The following ZNF804B variants were observed in gnomAD, a reference collection of about 807,000 sequenced individuals.
The protein encoded by ZNF804B is zinc finger 804B.
A neutral mutation model predicts 101.4 loss-of-function variants in ZNF804B; 80 were observed. The observed-to-expected ratio is 0.79, with a 90% CI of 0.66 to 0.95. ZNF804B has a LOEUF of 0.95. Among genes scored for constraint, ZNF804B ranks in the 40% least tolerant of loss-of-function variants. The pLI, the probability that ZNF804B is intolerant of heterozygous loss-of-function variation, is 0.00. For synonymous variants in ZNF804B, 622 were observed against 558.8 expected, an observed-to-expected ratio of 1.11 and a Z score of -1.59; for missense variants, 1,673 against 1,561.9, an observed-to-expected ratio of 1.07 and a Z score of -1.20.
rs114115982 is a variant in ZNF804B at position 89,250,994 on chromosome 7, G to C, written c.249+32699G>C. Among the ~76,000 whole-genome samples, 338 of 152,222 alleles carry C rather than the reference G, an allele frequency of 2.2e-3. 2 individuals are homozygous for C. Among genetic ancestry groups the C allele is most frequent in the African/African-American group, 8.0e-3 (331 of 41,522 alleles). ...CCCATAGCCAACATCATAGTGAATG[G>C]GCAAAAACTAGAGGCATTCCCCCTT... On this transcript the variant is annotated intron_variant, in intron 2 of 3. Transcript: ENST00000333190.
intron 1 of ZNF804B, among the ~76,000 whole-genome samples, chr7:89,118,276 T>A (rs974170198): frequency 6.6e-6 from 1 of 152,132 alleles, no homozygotes; most frequent in Non-Finnish European, 1.5e-5. Context: ...GAGTACTAAG[T>A]CGGAATTAGG....
chr7:89,175,575 A>C (rs1322375325), intron 1 of ZNF804B, among the ~76,000 whole-genome samples: 1 of 151,940 alleles, frequency 6.6e-6, no homozygotes, highest in Non-Finnish European at 1.5e-5. Context: ...TTCCATATAC[A>C]TTTTAGGATG....
At chr7:88,835,844 T>C (rs188257701) in intron 1 of ZNF804B, among the ~76,000 whole-genome samples, 4 of 152,046 alleles carry the variant, frequency 2.6e-5, no homozygotes, top group Admixed American at 2.0e-4. Flanking sequence ...AAAGAAAATA[T>C]AAATATTTGA....
chr7:88,802,527 T>C (rs1790608150), intron 1 of ZNF804B, among the ~76,000 whole-genome samples: 1 of 152,150 alleles, frequency 6.6e-6, no homozygotes, highest in Non-Finnish European at 1.5e-5. Context: ...CTCTGGAATG[T>C]AATTTTCTCT....
chr7:88,833,021 C>A (rs1359779908), intron 1 of ZNF804B, among the ~76,000 whole-genome samples: 2 of 151,832 alleles, frequency 1.3e-5, no homozygotes, highest in East Asian at 3.9e-4. Context: ...GAATGGTCGT[C>A]TTCATGCTAA....
chr7:89,229,740 C>T (rs1270421511), intron 2 of ZNF804B, among the ~76,000 whole-genome samples: 2 of 152,142 alleles, frequency 1.3e-5, no homozygotes, highest in African/African-American at 4.8e-5. Context: ...TAGAATACTT[C>T]ATCCAACAGC....
At chr7:89,331,278 T>A (rs1392024532) in intron 3 of ZNF804B, among the ~76,000 whole-genome samples, 2 of 151,734 alleles carry the variant, frequency 1.3e-5, no homozygotes, top group African/African-American at 4.8e-5. Flanking sequence ...TCTGGATCAC[T>A]TCCTTCTATC....
chr7:88,897,618 C>T (rs1331048017), intron 1 of ZNF804B, among the ~76,000 whole-genome samples: 2 of 152,156 alleles, frequency 1.3e-5, no homozygotes, highest in Admixed American at 1.3e-4. Context: ...AACTCGGATT[C>T]CTCAATTTAC....
intron 2 of ZNF804B, among the ~76,000 whole-genome samples, chr7:89,269,247 T>A (rs1367902693): frequency 2.0e-5 from 3 of 152,154 alleles, no homozygotes; most frequent in African/African-American, 7.2e-5. Context: ...TGGTGTGTGA[T>A]GTTCCCCTTC....
At chr7:89,246,130 G>T (rs998003004) in intron 2 of ZNF804B, among the ~76,000 whole-genome samples, 1 of 152,274 alleles carries the variant, frequency 6.6e-6, no homozygotes, top group Non-Finnish European at 1.5e-5. Flanking sequence ...AGAGATAGAA[G>T]TACCTGCTGT....
At chr7:89,248,081 A>G (rs1455658777) in intron 2 of ZNF804B, among the ~76,000 whole-genome samples, 1 of 152,178 alleles carries the variant, frequency 6.6e-6, no homozygotes. Flanking sequence ...AACAATGAAC[A>G]AAGTCTTCAA....
intron 1 of ZNF804B, among the ~76,000 whole-genome samples, chr7:89,043,026 G>A (rs1448972451): frequency 6.6e-6 from 1 of 151,794 alleles, no homozygotes; most frequent in East Asian, 1.9e-4. Flanking sequence ...CTTTTTTATT[G>A]ACTTCTTTGG....
At chr7:89,097,032 G>A (rs2116333017) in intron 1 of ZNF804B, among the ~76,000 whole-genome samples, 1 of 152,114 alleles carries the variant, frequency 6.6e-6, no homozygotes, top group Non-Finnish European at 1.5e-5. Context: ...CAGTTCCAGG[G>A]CTAACTTCCT....
At chr7:89,079,674 AAAC>A (rs1450371986) in intron 1 of ZNF804B, among the ~76,000 whole-genome samples, 1 of 152,036 alleles carries the variant, frequency 6.6e-6, no homozygotes, top group Non-Finnish European at 1.5e-5. Context: ...ACAAAAACAA[AAAC>A]AACATAGGAG....
chr7:89,256,032 G>A (rs968491692), intron 2 of ZNF804B, among the ~76,000 whole-genome samples: 1 of 152,012 alleles, frequency 6.6e-6, no homozygotes, highest in African/African-American at 2.4e-5. Context: ...AAGCACATTA[G>A]TATTTGTTCA....
At chr7:88,973,025 A>C (rs1793559712) in intron 1 of ZNF804B, among the ~76,000 whole-genome samples, 1 of 151,370 alleles carries the variant, frequency 6.6e-6, no homozygotes. Flanking sequence ...TGACACATAG[A>C]TATCCTGCAG....
chr7:89,127,764 C>T (rs898458262), intron 1 of ZNF804B, among the ~76,000 whole-genome samples: 19 of 151,456 alleles, frequency 1.3e-4, no homozygotes, highest in African/African-American at 2.9e-4. Flanking sequence ...ATAAACATGA[C>T]GGTATTAGGT....
chr7:89,237,711 A>G (rs1789306928), intron 2 of ZNF804B, among the ~76,000 whole-genome samples: 1 of 152,252 alleles, frequency 6.6e-6, no homozygotes, highest in African/African-American at 2.4e-5. Flanking sequence ...AAACTGGACC[A>G]TAGGAACTGC....
chr7:88,794,667 A>T (rs538079631), intron 1 of ZNF804B: 2 of 1,613,806 alleles, frequency 1.2e-6, no homozygotes, highest in Non-Finnish European at 1.7e-6. Context: ...TGGAAGTGGG[A>T]TAGATGAGCA....
Sources: gnomAD v4.1 joint callset for allele counts (sites outside exome capture counted in the v4.1 genomes callset) on GRCh38, gnomAD v4.1.1 for gene constraint, MANE v1.5 for transcripts, NCBI Gene and HGNC (gene_info 2026-07-23, HGNC 2026-07-21) for gene names.